Variants in HFE observed in about 807,000 individuals in gnomAD.
HFE encodes homeostatic iron regulator.
HFE carries 36 observed loss-of-function variants against 40.9 expected under a neutral mutation model. That is an observed-to-expected ratio of 0.88 (90% CI 0.67 to 1.16). The LOEUF is 1.16. HFE is among the 50% of genes most tolerant of loss of function. The pLI is 0.00. For missense variants in HFE, 376 were observed against 432.0 expected, an observed-to-expected ratio of 0.87 and a Z score of 1.15; for synonymous variants, 157 against 165.4, an observed-to-expected ratio of 0.95 and a Z score of 0.39.
chr6:26,095,705 G>A lies in HFE; in HGVS notation c.*1479G>A, dbSNP rs1377463247. 6.6e-6 allele frequency: 1 copy of A among 152,168 alleles called. No homozygotes were observed. Among genetic ancestry groups the A allele is most frequent in the Non-Finnish European group, 1.5e-5 (1 of 68,032 alleles). 9.4% of individuals were successfully genotyped at this position (152,168 alleles called of 1,614,324 possible). Reference sequence around the variant, plus strand: ...TTGTCTCATTGTGTTTCTTCTGAGTGAGCTTGAATCACATGAAGGGGAACA... The same window carrying A: ...TTGTCTCATTGTGTTTCTTCTGAGTAAGCTTGAATCACATGAAGGGGAACA... On this transcript the variant is annotated 3_prime_UTR_variant, in exon 6 of 6. Transcript: ENST00000357618.
intron 5 of HFE, 100 bp downstream of exon 5, chr6:26,093,332 C>A: frequency 1.2e-6 from 1 of 829,502 alleles, no homozygotes; most frequent in Non-Finnish European, 2.1e-6. Flanking sequence ...GCATTTTTCT[C>A]ATTTATATTC....
At chr6:26,089,052 C>T (rs1306045159) in intron 1 of HFE, among the ~76,000 whole-genome samples, 2 of 140,198 alleles carry the variant, frequency 1.4e-5, no homozygotes, top group African/African-American at 5.4e-5. Flanking sequence ...ACTGAGTGGG[C>T]CTGGCAAGTT....
chr6:26,087,664 A>C, intron 1 of HFE, 148 bp downstream of exon 1: 1 of 679,174 alleles, frequency 1.5e-6, no homozygotes, highest in Non-Finnish European at 2.5e-6. Flanking sequence ...CTGCGTCCAG[A>C]CCCCGTGAGG....
Position 26,091,593 on chromosome 6 carries a change from T to C in HFE, c.616+4T>C, listed in dbSNP as rs1027241038. On this transcript the variant is annotated splice_donor_region_variant and intron_variant, in intron 3 of 5. Transcript: ENST00000357618. ...AGAGGTGTTTTGGACCAACAAGGTA[T>C]GGTGGAAACACACTTCTGCCCCTAT... 17 of 1,612,450 alleles carry C rather than the reference T, an allele frequency of 1.1e-5. No individual in the cohort carries two copies. The highest frequency in any genetic ancestry group is 4.5e-5 in the East Asian group (2 of 44,868).
At chr6:26,090,775 T>A in intron 1 of HFE, 66 bp from the exon 2 acceptor site, 1 of 1,506,396 alleles carries the variant, frequency 6.6e-7, no homozygotes, top group Non-Finnish European at 9.2e-7. Context: ...GATGCAGGTG[T>A]GTGGAGCCTC....
chr6:26,096,444 T>C lies in HFE; in HGVS notation c.*2218T>C. The C allele has an allele frequency of 2.2e-6, 1 of 455,670 alleles. No individual in the cohort carries two copies. The highest frequency in any genetic ancestry group is 1.6e-5 in the South Asian group (1 of 64,498). 28.2% of individuals were successfully genotyped at this position (455,670 alleles called of 1,614,324 possible). A position where few individuals can be genotyped will look rare whatever the true frequency, so the allele number is the denominator to read the frequency against. ...CCACCCTGCCCAGCCGTCAAAAGAG[T>C]CTTAATATATATATCCAGATGGCAT... On this transcript the variant is annotated 3_prime_UTR_variant, in exon 6 of 6. Coordinates refer to ENST00000357618, the MANE Select transcript of HFE (RefSeq NM_000410.4).
intron 3 of HFE, 114 bp from the exon 4 acceptor site, chr6:26,092,571 T>G: frequency 6.2e-7 from 1 of 1,601,868 alleles, no homozygotes; most frequent in African/African-American, 1.3e-5. Context: ...GTAGCTTGTT[T>G]TTTTCTGAAA....
At chr6:26,093,547 G>A (rs1762876463) in intron 5 of HFE, among the ~76,000 whole-genome samples, 1 of 152,102 alleles carries the variant, frequency 6.6e-6, no homozygotes. Flanking sequence ...GCAAGTAAAT[G>A]TAGTTAAAGA....
chr6:26,090,442 C>CAAAAAAAAAAAAA (rs56267433), intron 1 of HFE, among the ~76,000 whole-genome samples: 5 of 36,728 alleles, frequency 1.4e-4, no homozygotes, highest in East Asian at 1.1e-3. Flanking sequence ...GACTCTGTCT[C>CAAAAAAAAAAAAA]AAAAAAAAAA....
intron 1 of HFE, among the ~76,000 whole-genome samples, chr6:26,087,998 G>A (rs891010872): frequency 6.6e-6 from 1 of 152,160 alleles, no homozygotes; most frequent in Non-Finnish European, 1.5e-5. Context: ...ACCTCAGAAC[G>A]AATGCGTTGG....
chr6:26,091,500 C>T lies in HFE; in HGVS notation c.527C>T (p.Ala176Val). The T allele has an allele frequency of 1.2e-6, 2 of 1,614,122 alleles. No homozygotes were observed. Among genetic ancestry groups the T allele is most frequent in the South Asian group, 1.1e-5 (1 of 91,074 alleles). The change falls in exon 3 of 6, where the codon GCC becomes GTC. Residue 176 changes from alanine to valine, a missense_variant. Ala to Val is a moderately conservative substitution (Grantham distance 64). Transcript: ENST00000357618. ...GAGTGGGAAAGGCACAAGATTCGGGCCAGGCAGAACAGGGCCTACCTGGAG... is the reference window on the plus strand; with the variant it reads ...GAGTGGGAAAGGCACAAGATTCGGGTCAGGCAGAACAGGGCCTACCTGGAG... ...KLEWERHKIR[A>V]RQNRAYLERD...
intron 1 of HFE, among the ~76,000 whole-genome samples, chr6:26,089,140 G>A (rs1762502117): frequency 6.6e-6 from 1 of 150,568 alleles, no homozygotes; most frequent in African/African-American, 2.5e-5. Flanking sequence ...GGTGGGAAGG[G>A]GGACTACCAT....
In HFE at chr6:26,090,935, G is replaced by C. The variant is rs1398948148; in HGVS notation, c.171G>C (p.Leu57=). 2 of 1,614,164 alleles carry C rather than the reference G, an allele frequency of 1.2e-6. No individual in the cohort carries two copies. The highest frequency in any genetic ancestry group is 1.7e-6 in the Non-Finnish European group (2 of 1,180,032). ...FEALGYVDDQ[L]FVFYDHESRR... Reference sequence around the variant, plus strand: ...CTTTGGGCTACGTGGATGACCAGCTGTTCGTGTTCTATGATCATGAGAGTC... The same window carrying C: ...CTTTGGGCTACGTGGATGACCAGCTCTTCGTGTTCTATGATCATGAGAGTC... The change falls in exon 2 of 6, where the codon CTG becomes CTC. Residue 57 remains leucine, a synonymous_variant. Coordinates refer to ENST00000357618, the MANE Select transcript of HFE (RefSeq NM_000410.4).
At chr6:26,090,153 C>G (rs62396165) in intron 1 of HFE, among the ~76,000 whole-genome samples, 24,553 of 151,910 alleles carry the variant, frequency 0.16, 2,249 homozygotes, top group African/African-American at 0.24. Context: ...TGTAAGAATT[C>G]AGGACCAAGG....
intron 1 of HFE, among the ~76,000 whole-genome samples, chr6:26,090,464 A>AAAAAAC (rs1762614239): frequency 6.6e-6 from 1 of 150,926 alleles, no homozygotes; most frequent in African/African-American, 2.4e-5. Flanking sequence ...AAAAAAAAAA[A>AAAAAAC]AAAAAAACTG....
At position 26,087,497 on chromosome 6, in the gene HFE, C is replaced by T. The variant is rs749460044; in HGVS notation, c.57C>T (p.Val19=). 1.2e-6 allele frequency: 2 copies of T among 1,613,454 alleles called. No homozygotes were observed. Among genetic ancestry groups the T allele is most frequent in the South Asian group, 1.1e-5 (1 of 91,070 alleles). ...TCCTGATGCTTTTGCAGACCGCGGT[C>T]CTGCAGGGGCGCTTGCTGCGTGAGT... The part of the protein sequence containing the change: ...LLLLMLLQTA[V]LQGRLLRSHS... Residue 19 remains valine (V), a synonymous_variant, in exon 1 of 6, where the codon GTC becomes GTT. Transcript: ENST00000357618.
intron 1 of HFE, among the ~76,000 whole-genome samples, chr6:26,088,103 G>A (rs749473426): frequency 4.6e-5 from 7 of 152,184 alleles, no homozygotes; most frequent in African/African-American, 9.7e-5. Context: ...TCTAGGGTGG[G>A]AGGCTCCTGA....
In HFE at chr6:26,090,972, C is replaced by A. The variant is rs1263353185; in HGVS notation, c.208C>A (p.Pro70Thr). ...TGATCATGAGAGTCGCCGTGTGGAG[C>A]CCCGAACTCCATGGGTTTCCAGTAG... ...FYDHESRRVE[P>T]RTPWVSSRIS... The change falls in exon 2 of 6, where the codon CCC becomes ACC. Residue 70 changes from proline to threonine, a missense_variant. By Grantham distance (38) the Pro-to-Thr change is conservative. Coordinates refer to ENST00000357618, the MANE Select transcript of HFE (RefSeq NM_000410.4). The A allele has an allele frequency of 2.5e-6, 4 of 1,614,002 alleles. 1 individual carries two copies. In the South Asian group the frequency reaches 4.4e-5, roughly 18 times the overall value.
chr6:26,094,267 A>G lies in HFE; in HGVS notation c.*41A>G, dbSNP rs770800776. 6.4e-7 allele frequency: 1 copy of G among 1,574,036 alleles called. No individual in the cohort carries two copies. The highest frequency in any genetic ancestry group is 8.7e-7 in the Non-Finnish European group (1 of 1,143,814). ...CTCACTGTGGGAAGGAGACAAAACTAGAGACTCAAAGAGGGAGTGCATTTA... is the reference window on the plus strand; with the variant it reads ...CTCACTGTGGGAAGGAGACAAAACTGGAGACTCAAAGAGGGAGTGCATTTA... On this transcript the variant is annotated 3_prime_UTR_variant, in exon 6 of 6. Transcript: ENST00000357618.
Sources: gnomAD v4.1 joint callset for allele counts (sites outside exome capture counted in the v4.1 genomes callset) on GRCh38, gnomAD v4.1.1 for gene constraint, MANE v1.5 for transcripts, NCBI Gene and HGNC (gene_info 2026-07-23, HGNC 2026-07-21) for gene names.